HPS3: variants seen among roughly 807,000 people sequenced by gnomAD.
HPS3 encodes HPS3 biogenesis of lysosomal organelles complex 2 subunit 1, also known as BLOC-2 complex member HPS3.
HPS3 carries 79 observed loss-of-function variants against 110.9 expected under a neutral mutation model. The observed-to-expected ratio is 0.71, with a 90% CI of 0.59 to 0.86. The LOEUF (loss-of-function observed/expected upper bound fraction) is 0.86, where lower values mean the gene tolerates loss of function less well. Ranked by LOEUF, HPS3 falls within the 40% of genes least tolerant of loss-of-function variation. The pLI is 0.00. For synonymous variants in HPS3, 428 were observed against 451.0 expected (o/e 0.95, Z 0.65); for missense variants, 1,197 against 1,206.2 (o/e 0.99, Z 0.11).
intron 5 of HPS3, among the ~76,000 whole-genome samples, chr3:149,145,906 A>G (rs1447954914): frequency 2.0e-5 from 3 of 152,240 alleles, no homozygotes; most frequent in East Asian, 1.9e-4. Flanking sequence ...CACTGCTACC[A>G]TATTTTTCTA....
At chr3:149,167,832 C>T (rs1198151220) in intron 15 of HPS3, 61 bp from the exon 16 acceptor site, 2 of 982,036 alleles carry the variant, frequency 2.0e-6, no homozygotes, top group Non-Finnish European at 3.3e-6. Context: ...TTCTTATTCT[C>T]CTTTGAAATC....
intron 6 of HPS3, among the ~76,000 whole-genome samples, chr3:149,151,200 A>ATT (rs72093182): frequency 4.4e-4 from 64 of 146,014 alleles, no homozygotes; most frequent in African/African-American, 8.1e-4. Flanking sequence ...TATTATTATT[A>ATT]TTATTTTTTT....
At chr3:149,155,071 T>C (rs1259637635) in intron 7 of HPS3, 36 bp from the exon 8 acceptor site, 3 of 1,025,714 alleles carry the variant, frequency 2.9e-6, no homozygotes, top group African/African-American at 1.6e-5. Context: ...ATTAATAATG[T>C]CATTTTAAAA....
chr3:149,169,220 G>A (rs1724740244), intron 16 of HPS3, among the ~76,000 whole-genome samples: 1 of 152,114 alleles, frequency 6.6e-6, no homozygotes, highest in South Asian at 2.1e-4. Flanking sequence ...TGATTAGAAA[G>A]GGAGACAGCT....
At position 149,129,781 on chromosome 3, in the gene HPS3, C is replaced by T; in HGVS notation, c.58C>T (p.Leu20=). 1 of 1,609,150 alleles carries T rather than the reference C, an allele frequency of 6.2e-7. No homozygotes were observed. The highest frequency in any genetic ancestry group is 8.5e-7 in the Non-Finnish European group (1 of 1,179,126). The stretch of plus-strand genomic sequence containing the variant: ...GTCGCAGCAGGTGGTGCCCTGCAAG[C>T]TGGAGCCGGACCGGTTCTGTGGCGG... ...FGSQQVVPCK[L]EPDRFCGGGR... The change falls in exon 1 of 17, where the codon CTG becomes TTG. Residue 20 remains leucine (L), a synonymous_variant. Coordinates refer to ENST00000296051, the MANE Select transcript of HPS3 (RefSeq NM_032383.5).
Position 149,140,020 on chromosome 3 carries a change from A to G in HPS3, c.234A>G (p.Ala78=). 1 of 1,613,040 alleles carries G rather than the reference A, an allele frequency of 6.2e-7. No individual in the cohort carries two copies. Among genetic ancestry groups the G allele is most frequent in the Non-Finnish European group, 8.5e-7 (1 of 1,179,278 alleles). Residue 78 remains alanine (A), a synonymous_variant, in exon 2 of 17, where the codon GCA becomes GCG. Transcript: ENST00000296051. ...CCTTCTCAGGAGATTATTTGGTAGC[A>G]ATTGAAGAGAAAAACAAAGCTACAT... ...AYSEAGDYLV[A]IEEKNKATFL...
chr3:149,130,606 C>T (rs1174940839), intron 1 of HPS3, among the ~76,000 whole-genome samples: 2 of 152,080 alleles, frequency 1.3e-5, no homozygotes, highest in African/African-American at 4.8e-5. Flanking sequence ...TTATTGAAAC[C>T]CCGTCTGTAC....
Position 149,167,069 on chromosome 3 carries a change from C to T in HPS3, c.2625C>T (p.Ser875=), listed in dbSNP as rs200121725. The change falls in exon 15 of 17, where the codon TCC becomes TCT. Residue 875 remains serine (S), a synonymous_variant. Transcript: ENST00000296051. The part of the protein sequence containing the change: ...LICGPSFDIA[S]IIPFLEPLSE... ...GTGGTCCTTCATTTGACATAGCTTC[C>T]ATTATTCCGTTCTTGGAGCCACTTT... 52 of 1,613,662 alleles carry T rather than the reference C, an allele frequency of 3.2e-5. No homozygotes were observed. Among genetic ancestry groups the T allele is most frequent in the Admixed American group, 1.7e-4 (10 of 60,018 alleles).
chr3:149,162,346 G>C lies in HPS3; in HGVS notation c.2292+13G>C, dbSNP rs1723945709. On this transcript the variant is annotated intron_variant, in intron 12 of 16. Transcript: ENST00000296051. ...TTCCTTTTTTAAGGTTTGTCACTTT[G>C]AAAATGTGATTTTTCTGGATGGCCT... 1 of 1,611,722 alleles carries C rather than the reference G, an allele frequency of 6.2e-7. No homozygotes were observed. The highest frequency in any genetic ancestry group is 1.3e-5 in the African/African-American group (1 of 74,964).
rs751752625 is a variant in HPS3, at chr3:149,153,479, A to AT, written c.1246-11dup. 2 of 1,610,242 alleles carry AT rather than the reference A, an allele frequency of 1.2e-6. No homozygotes were observed. The highest frequency in any genetic ancestry group is 1.7e-6 in the Non-Finnish European group (2 of 1,176,536). On this transcript the variant is annotated splice_polypyrimidine_tract_variant and intron_variant, in intron 6 of 16. Coordinates refer to ENST00000296051, the MANE Select transcript of HPS3 (RefSeq NM_032383.5). ...CCTTTATTTCTTGCTTAAATATGTG[A>AT]TTTTCCTTTACTAGGCTTGCCCACC...
At position 149,155,216 on chromosome 3, in the gene HPS3, G is replaced by A. The variant is rs746906314; in HGVS notation, c.1509+1G>A. On this transcript the variant is annotated splice_donor_variant, in intron 8 of 16. Coordinates refer to ENST00000296051, the MANE Select transcript of HPS3 (RefSeq NM_032383.5). LOFTEE classifies it high-confidence loss of function. ...ACCAGTGCAGCTGTACAAAGAGATGGTACTCTTTTCAAACTTCTGATTCTT... is the reference window on the plus strand; with the variant it reads ...ACCAGTGCAGCTGTACAAAGAGATGATACTCTTTTCAAACTTCTGATTCTT... The A allele has an allele frequency of 1.4e-6, 2 of 1,419,574 alleles. No individual in the cohort carries two copies. The highest frequency in any genetic ancestry group is 1.2e-5 in the South Asian group (1 of 86,866). 87.9% of individuals were successfully genotyped at this position (1,419,574 alleles called of 1,614,324 possible). A position where few individuals can be genotyped will look rare whatever the true frequency, so the allele number is the denominator to read the frequency against.
chr3:149,135,453 G>C (rs1181443324), intron 1 of HPS3, among the ~76,000 whole-genome samples: 1 of 152,058 alleles, frequency 6.6e-6, no homozygotes, highest in Non-Finnish European at 1.5e-5. Flanking sequence ...AGATCTGATG[G>C]TTTTTAAGTG....
In HPS3 at chr3:149,163,909, T is replaced by C; in HGVS notation, c.2549T>C (p.Leu850Ser). The C allele has an allele frequency of 6.3e-7, 1 of 1,578,090 alleles. No homozygotes were observed. The highest frequency in any genetic ancestry group is 8.7e-7 in the Non-Finnish European group (1 of 1,147,188). ...WVHVVISSDS[L>S]ADKNYTEDLS... ...CACGTCGTAATATCATCTGATTCTTTAGCTGATAAAAATTATACAGAAGAT... is the reference window on the plus strand; with the variant it reads ...CACGTCGTAATATCATCTGATTCTTCAGCTGATAAAAATTATACAGAAGAT... Residue 850 changes from leucine to serine, a missense_variant, in exon 14 of 17, where the codon TTA becomes TCA. Coordinates refer to ENST00000296051, the MANE Select transcript of HPS3 (RefSeq NM_032383.5).
Position 149,158,655 on chromosome 3 carries a change from C to T in HPS3, c.1692-11C>T. On this transcript the variant is annotated splice_polypyrimidine_tract_variant and intron_variant, in intron 9 of 16. Transcript: ENST00000296051. ...TGACAAATTTGAGGTTTTTCATTTC[C>T]TTCCCTTTAGGCTTGACTCCCAGCA... is the stretch of plus-strand genomic sequence containing the variant. 6.2e-7 allele frequency: 1 copy of T among 1,612,662 alleles called. No individual in the cohort carries two copies. Among genetic ancestry groups the T allele is most frequent in the South Asian group, 1.1e-5 (1 of 91,048 alleles).
intron 6 of HPS3, among the ~76,000 whole-genome samples, chr3:149,151,553 C>CTCAT (rs1249356032): frequency 8.4e-6 from 1 of 119,084 alleles, no homozygotes; most frequent in Non-Finnish European, 1.6e-5. Context: ...GATCAATAAT[C>CTCAT]TCATTTTTAG....
Position 149,131,821 on chromosome 3 carries a change from G to A in HPS3, c.217+1881G>A, listed in dbSNP as rs151314674. Among the ~76,000 whole-genome samples the A allele has an allele frequency of 1.6e-3, 250 of 152,316 alleles. 1 individual carries two copies. Among genetic ancestry groups the A allele is most frequent in the African/African-American group, 5.4e-3 (225 of 41,570 alleles). On this transcript the variant is annotated intron_variant, in intron 1 of 16. Transcript: ENST00000296051. ...TGGACCAAACACTTAGCCAAGTTGT[G>A]ACTGCAAAGGAAAAGTTCTTGAAAT...
intron 2 of HPS3, 68 bp downstream of exon 2, chr3:149,140,566 A>AAGGT (rs151222115): frequency 0.014 from 21,205 of 1,544,396 alleles, 236 homozygotes; most frequent in Non-Finnish European, 0.016. Context: ...TGGCAGTCTG[A>AAGGT]AGGTCTGTGG....
chr3:149,143,907 G>C (rs1722633432), intron 4 of HPS3, among the ~76,000 whole-genome samples: 1 of 152,170 alleles, frequency 6.6e-6, no homozygotes, highest in Non-Finnish European at 1.5e-5. Context: ...GCCACATGTA[G>C]ATAGAAAATA....
intron 8 of HPS3, among the ~76,000 whole-genome samples, chr3:149,155,654 A>G (rs1723416821): frequency 6.6e-6 from 1 of 152,134 alleles, no homozygotes; most frequent in South Asian, 2.1e-4. Context: ...GGGGGGAGGG[A>G]CCCAGAGGGA....
Sources: allele counts gnomAD v4.1 joint callset (sites outside exome capture counted in the v4.1 genomes callset), GRCh38; gene constraint gnomAD v4.1.1; transcripts MANE v1.5; gene names NCBI Gene and HGNC (gene_info 2026-07-23, HGNC 2026-07-21).